TDRP: variants seen among roughly 807,000 people sequenced by gnomAD.
TDRP encodes testis development-related protein.
In TDRP, 12 loss-of-function variants were observed where a neutral mutation model predicts 10.5. The observed-to-expected ratio is 1.15, with a 90% confidence interval of 0.73 to 1.86. TDRP has a LOEUF of 1.86. Among genes scored for constraint, TDRP ranks in the 40% most tolerant of loss-of-function variants. The pLI is 0.00. For missense variants in TDRP, 353 were observed against 229.2 expected, an observed-to-expected ratio of 1.54 and a Z score of -3.49; for synonymous variants, 139 against 95.4, an observed-to-expected ratio of 1.46 and a Z score of -2.67.
chr8:513,364 T>C (rs1297960333), intron 1 of TDRP, among the ~76,000 whole-genome samples: 1 of 152,050 alleles, frequency 6.6e-6, no homozygotes, highest in African/African-American at 2.4e-5. Flanking sequence ...TAGCTCAACA[T>C]CTGAAAATCC....
intron 1 of TDRP, among the ~76,000 whole-genome samples, chr8:505,945 C>A (rs569811737): frequency 6.6e-6 from 1 of 152,262 alleles, no homozygotes; most frequent in South Asian, 2.1e-4. Flanking sequence ...CCAGCCAGGA[C>A]AGGGTCCCTA....
chr8:520,803 T>C (rs774786419), intron 1 of TDRP, among the ~76,000 whole-genome samples: 4 of 152,246 alleles, frequency 2.6e-5, no homozygotes, highest in Non-Finnish European at 4.4e-5. Flanking sequence ...TTGTTGTTGT[T>C]TGGTCATAGG....
At chr8:508,577 G>C (rs533958592) in intron 1 of TDRP, among the ~76,000 whole-genome samples, 10 of 152,178 alleles carry the variant, frequency 6.6e-5, no homozygotes, top group African/African-American at 2.4e-4. Context: ...AATAGCATGC[G>C]GGAAACCACC....
At chr8:527,804 A>C (rs183784803) in intron 1 of TDRP, among the ~76,000 whole-genome samples, 55 of 152,308 alleles carry the variant, frequency 3.6e-4, no homozygotes, top group Non-Finnish European at 7.1e-4. Flanking sequence ...TCACACTACG[A>C]AACTACTAAA....
chr8:543,482 G>A (rs1205520636), intron 1 of TDRP, among the ~76,000 whole-genome samples: 2 of 151,538 alleles, frequency 1.3e-5, no homozygotes, highest in African/African-American at 4.9e-5. Context: ...AGTTAACTCT[G>A]TAGCCACATA....
At chr8:519,384 G>A (rs768523130) in intron 1 of TDRP, among the ~76,000 whole-genome samples, 1 of 152,144 alleles carries the variant, frequency 6.6e-6, no homozygotes, top group South Asian at 2.1e-4. Flanking sequence ...AGAGAGTCAT[G>A]GGAAACCCCC....
chr8:526,541 C>A lies in TDRP; in HGVS notation c.108+18109G>T, dbSNP rs565130086. On this transcript the variant is annotated intron_variant, in intron 1 of 2. Transcript: ENST00000324079. ...GGTTGATTTGCATATACTGAACCAT[C>A]CTCACATCCCTGGGATAAAAAGATC... Among the ~76,000 whole-genome samples, 12 of 152,242 alleles carry A rather than the reference C, an allele frequency of 7.9e-5. No homozygotes were observed. The East Asian group carries it at 2.3e-3, about 29-fold the overall frequency.
chr8:539,128 T>C (rs1218419551), intron 1 of TDRP, among the ~76,000 whole-genome samples: 2 of 152,236 alleles, frequency 1.3e-5, no homozygotes, highest in Non-Finnish European at 2.9e-5. Context: ...ATGCAATTGC[T>C]GTGGACTGAA....
intron 1 of TDRP, among the ~76,000 whole-genome samples, chr8:518,894 G>A (rs1801824965): frequency 6.6e-6 from 1 of 152,060 alleles, no homozygotes; most frequent in Non-Finnish European, 1.5e-5. Context: ...CTTTATCCTT[G>A]GTTCCTGACA....
intron 1 of TDRP, among the ~76,000 whole-genome samples, chr8:527,387 T>C (rs1285049489): frequency 2.6e-5 from 4 of 152,076 alleles, no homozygotes; most frequent in African/African-American, 9.7e-5. Flanking sequence ...ACCAATGACA[T>C]TCTTCACAGA....
chr8:513,001 G>C (rs572308724), intron 1 of TDRP, among the ~76,000 whole-genome samples: 1 of 150,294 alleles, frequency 6.7e-6, no homozygotes, highest in Non-Finnish European at 1.5e-5. Flanking sequence ...TGGAGAAATT[G>C]AATTAGTAAT....
intron 1 of TDRP, among the ~76,000 whole-genome samples, chr8:515,374 C>T (rs557883901): frequency 6.6e-6 from 1 of 152,288 alleles, no homozygotes; most frequent in East Asian, 1.9e-4. Flanking sequence ...ACTGAAAGTA[C>T]AGTTTGAGTG....
At chr8:525,391 C>T (rs926477211) in intron 1 of TDRP, among the ~76,000 whole-genome samples, 1 of 152,030 alleles carries the variant, frequency 6.6e-6, no homozygotes, top group African/African-American at 2.4e-5. Flanking sequence ...ACTGGTAATA[C>T]TAAGTACATA....
At chr8:522,700 T>A (rs1471011756) in intron 1 of TDRP, among the ~76,000 whole-genome samples, 2 of 152,236 alleles carry the variant, frequency 1.3e-5, no homozygotes, top group Non-Finnish European at 2.9e-5. Flanking sequence ...TCCGACTGAC[T>A]CGGTGCACCT....
rs565521083 is a variant in TDRP at position 525,135 on chromosome 8, C to G, written c.108+19515G>C. Among the ~76,000 whole-genome samples the G allele has an allele frequency of 7.2e-5, 11 of 152,260 alleles. No individual in the cohort carries two copies. The South Asian group carries it at 2.3e-3, about 32-fold the overall frequency. ...CTGGCAGCAGGCTTTTCAGTGGAAA[C>G]CTTACAGGTCAAGAGAGACAGCGGC... On this transcript the variant is annotated intron_variant, in intron 1 of 2. Transcript: ENST00000324079.
At chr8:544,243 C>A (rs995220966) in intron 1 of TDRP, among the ~76,000 whole-genome samples, 1 of 152,128 alleles carries the variant, frequency 6.6e-6, no homozygotes, top group African/African-American at 2.4e-5. Context: ...ACCCGGGACG[C>A]GAGCACCCGG....
intron 1 of TDRP, among the ~76,000 whole-genome samples, chr8:523,351 G>T (rs1465909387): frequency 1.3e-5 from 2 of 152,116 alleles, no homozygotes; most frequent in African/African-American, 2.4e-5. Flanking sequence ...GGAGTAAGAT[G>T]GCTGAATGGA....
chr8:492,546 C>T lies in TDRP; in HGVS notation c.411G>A (p.Glu137=), dbSNP rs760984922. Residue 137 remains glutamate, a synonymous_variant, in exon 3 of 3, where the codon GAG becomes GAA. Transcript: ENST00000324079. ...VGGHPSWSGW[E]DDAKGSTKYT... is the part of the protein sequence containing the mutation. ...ACTTGGTCGAGCCCTTGGCGTCATC[C>T]TCCCAGCCTGACCAGGATGGGTGGC... The T allele has an allele frequency of 6.2e-7, 1 of 1,612,236 alleles. No homozygotes were observed. The highest frequency in any genetic ancestry group is 1.1e-5 in the South Asian group (1 of 90,884).
chr8:506,811 A>T (rs1265028965), intron 1 of TDRP, among the ~76,000 whole-genome samples: 1 of 152,166 alleles, frequency 6.6e-6, no homozygotes, highest in Admixed American at 6.5e-5. Context: ...TGGAAGACAA[A>T]ATCTCTTTCC....
Sources: gnomAD v4.1 joint callset for allele counts (sites outside exome capture counted in the v4.1 genomes callset) on GRCh38, gnomAD v4.1.1 for gene constraint, MANE v1.5 for transcripts, NCBI Gene and HGNC (gene_info 2026-07-23, HGNC 2026-07-21) for gene names.